Variants in INSC observed in about 807,000 individuals in gnomAD.
The protein encoded by INSC is protein inscuteable homolog.
INSC carries 67 observed loss-of-function variants against 58.6 expected under a neutral mutation model. The observed-to-expected ratio is 1.14, with a 90% CI of 0.94 to 1.40. The LOEUF (loss-of-function observed/expected upper bound fraction) is 1.40, where lower values mean the gene tolerates loss of function less well. Ranked by LOEUF, INSC falls within the 40% of genes most tolerant of loss-of-function variation. INSC has a pLI of 0.00. For synonymous variants in INSC, 262 were observed against 276.1 expected, an observed-to-expected ratio of 0.95 and a Z score of 0.51; for missense variants, 714 against 692.0, an observed-to-expected ratio of 1.03 and a Z score of -0.36.
intron 7 of INSC, among the ~76,000 whole-genome samples, 186 bp from the exon 8 acceptor site, chr11:15,221,291 A>C (rs936290632): frequency 6.6e-6 from 1 of 152,062 alleles, no homozygotes; most frequent in Admixed American, 6.5e-5. Flanking sequence ...CAGGTGCCAG[A>C]ATTTGAGTCA....
At chr11:15,229,965 TA>T (rs1257114933) in intron 9 of INSC, among the ~76,000 whole-genome samples, 3,565 of 22,950 alleles carry the variant, frequency 0.16, 196 homozygotes, top group Non-Finnish European at 0.19. Context: ...TATATTTATA[TA>T]TATATATATA....
intron 9 of INSC, among the ~76,000 whole-genome samples, chr11:15,230,099 A>G (rs1589999744): frequency 7.5e-6 from 1 of 133,888 alleles, no homozygotes; most frequent in African/African-American, 2.9e-5. Flanking sequence ...CTGAGGTGGG[A>G]GGATGGCTTG....
the INSC span, among the ~76,000 whole-genome samples, chr11:15,266,652 A>G: frequency 1.3e-5 from 2 of 152,024 alleles, no homozygotes; most frequent in East Asian, 3.9e-4. Flanking sequence ...TTGTAGTTGT[A>G]CCCAAGATTG....
chr11:15,142,926 A>G (rs150187449), intron 1 of INSC, among the ~76,000 whole-genome samples: 2 of 152,160 alleles, frequency 1.3e-5, no homozygotes, highest in African/African-American at 4.8e-5. Context: ...CACAGTGCAT[A>G]TGGTATGCAA....
the INSC span, among the ~76,000 whole-genome samples, chr11:15,257,879 G>A: frequency 9.9e-5 from 15 of 152,112 alleles, no homozygotes; most frequent in East Asian, 3.9e-4. Flanking sequence ...GCATGACAAT[G>A]AATTTCTGTT....
intron 8 of INSC, among the ~76,000 whole-genome samples, chr11:15,224,624 G>T (rs1564913327): frequency 6.6e-6 from 1 of 152,216 alleles, no homozygotes; most frequent in Non-Finnish European, 1.5e-5. Flanking sequence ...TTGATTGGTA[G>T]TGAAGTTGGA....
intron 7 of INSC, among the ~76,000 whole-genome samples, chr11:15,214,410 T>C (rs1851137846): frequency 6.6e-6 from 1 of 152,166 alleles, no homozygotes; most frequent in African/African-American, 2.4e-5. Context: ...CAACTCTACC[T>C]CCTTTTCCTT....
intron 5 of INSC, among the ~76,000 whole-genome samples, chr11:15,186,329 A>T (rs912382496): frequency 4.6e-5 from 7 of 151,634 alleles, no homozygotes; most frequent in African/African-American, 1.7e-4. Flanking sequence ...AGAGAGACTC[A>T]TTTGAATTTC....
intron 8 of INSC, among the ~76,000 whole-genome samples, chr11:15,223,973 G>A (rs1851539520): frequency 6.6e-6 from 1 of 152,184 alleles, no homozygotes; most frequent in Non-Finnish European, 1.5e-5. Flanking sequence ...ATAAGTCAGA[G>A]GCTGAGAGAC....
chr11:15,247,987 A>G (rs1255356087), downstream of INSC, among the ~76,000 whole-genome samples: 4 of 152,154 alleles, frequency 2.6e-5, no homozygotes, highest in Non-Finnish European at 5.9e-5. Flanking sequence ...CAAACTCCTC[A>G]GTCTCAATAA....
chr11:15,180,682 T>TG (rs1240860256), intron 5 of INSC, among the ~76,000 whole-genome samples: 1 of 2,458 alleles, frequency 4.1e-4, no homozygotes, highest in African/African-American at 1.6e-3. Flanking sequence ...ATGGTAGGAG[T>TG]GAGGGGGGGG....
Position 15,225,748 on chromosome 11 carries a change from C to T in INSC, c.1090C>T (p.Leu364=), listed in dbSNP as rs577549615. Residue 364 remains leucine (L), a synonymous_variant, in exon 9 of 13, where the codon CTG becomes TTG. Coordinates refer to ENST00000379556, the MANE Select transcript of INSC (RefSeq NM_001042536.3). The part of the protein sequence containing the change: ...FFDTMACEML[L]QLNAIRVLLE... ...TGACACAATGGCCTGCGAGATGCTC[C>T]TGCAGTTGAATGCCATCCGTGTTCT... 1.2e-6 allele frequency: 2 copies of T among 1,614,100 alleles called. No individual in the cohort carries two copies. Among genetic ancestry groups the T allele is most frequent in the South Asian group, 1.1e-5 (1 of 91,042 alleles).
chr11:15,156,412 T>TA (rs1434644166), intron 2 of INSC, among the ~76,000 whole-genome samples: 2 of 152,198 alleles, frequency 1.3e-5, no homozygotes, highest in South Asian at 2.1e-4. Flanking sequence ...CACAGCATAA[T>TA]AATTAAGAAC....
chr11:15,134,322 C>T (rs1390578376), intron 1 of INSC, among the ~76,000 whole-genome samples: 1 of 152,152 alleles, frequency 6.6e-6, no homozygotes, highest in East Asian at 1.9e-4. Flanking sequence ...CTGAAGCATA[C>T]ATCCCAACTT....
intron 5 of INSC, among the ~76,000 whole-genome samples, chr11:15,182,500 G>A (rs1488695206): frequency 6.6e-6 from 1 of 152,172 alleles, no homozygotes; most frequent in Non-Finnish European, 1.5e-5. Flanking sequence ...TCATTGACGG[G>A]CATTTGAACT....
intron 5 of INSC, chr11:15,188,414 C>T (rs1223238799): frequency 7.5e-6 from 7 of 938,602 alleles, no homozygotes; most frequent in South Asian, 9.8e-5. Context: ...GGTCAGGGCC[C>T]GGCTCCTCCC....
chr11:15,157,839 C>A (rs186209245), intron 2 of INSC, among the ~76,000 whole-genome samples: 1 of 152,258 alleles, frequency 6.6e-6, no homozygotes, highest in Non-Finnish European at 1.5e-5. Context: ...AAAGCTGGGG[C>A]CCCCTTCGAT....
chr11:15,237,927 G>C lies in INSC; in HGVS notation c.1238-992G>C, dbSNP rs74410644. Among the ~76,000 whole-genome samples the C allele has an allele frequency of 6.3e-4, 96 of 152,204 alleles. 1 individual carries two copies. In the East Asian group the frequency reaches 0.018, roughly 28 times the overall value. On this transcript the variant is annotated intron_variant, in intron 10 of 12. Coordinates refer to ENST00000379556, the MANE Select transcript of INSC (RefSeq NM_001042536.3). ...CACACTATCAAAAATCTAAAAAATT[G>C]TAGACACTATATGGGGCAACAAAAC...
chr11:15,189,362 A>G (rs1240179967), intron 5 of INSC, among the ~76,000 whole-genome samples: 1 of 142,390 alleles, frequency 7.0e-6, no homozygotes, highest in East Asian at 2.1e-4. Flanking sequence ...TATTTACACC[A>G]TTTTGTTTAT....
Sources: allele counts gnomAD v4.1 joint callset (sites outside exome capture counted in the v4.1 genomes callset), GRCh38; gene constraint gnomAD v4.1.1; transcripts MANE v1.5; gene names NCBI Gene and HGNC (gene_info 2026-07-23, HGNC 2026-07-21).